The following TUBGCP5 variants were observed in gnomAD, a reference collection of about 807,000 sequenced individuals.
TUBGCP5 encodes gamma-tubulin complex component 5.
In TUBGCP5, 98 loss-of-function variants were observed where a neutral mutation model predicts 134.7. The ratio of observed to expected loss-of-function variants is 0.73; its 90% confidence interval spans 0.62 to 0.86. TUBGCP5 has a LOEUF of 0.86. Ranked by LOEUF, TUBGCP5 falls within the 40% of genes least tolerant of loss-of-function variation. The pLI, the probability that TUBGCP5 is intolerant of heterozygous loss-of-function variation, is 0.00. For synonymous variants in TUBGCP5, 456 were observed against 431.4 expected, an observed-to-expected ratio of 1.06 and a Z score of -0.71; for missense variants, 1,150 against 1,244.8, an observed-to-expected ratio of 0.92 and a Z score of 1.15.
chr15:22,991,598 A>T (rs773733375), intron 23 of TUBGCP5, among the ~76,000 whole-genome samples: 1 of 152,174 alleles, frequency 6.6e-6, no homozygotes, highest in Non-Finnish European at 1.5e-5. Context: ...CTGACAGCTT[A>T]CACTGTTAAC....
At chr15:22,996,940 A>G (rs972717041), downstream of TUBGCP5, 3 of 152,006 alleles carry the variant, frequency 2.0e-5, no homozygotes, top group Non-Finnish European at 4.4e-5. Flanking sequence ...GCGCTCCAGC[A>G]TGGGCAACAA....
chr15:22,995,267 AAAATAAAAGAAT>A (rs1279929724), downstream of TUBGCP5, among the ~76,000 whole-genome samples: 3 of 151,876 alleles, frequency 2.0e-5, no homozygotes, highest in South Asian at 2.1e-4. Context: ...AATAAAAATA[AAAATAAAAGAAT>A]AAATAAAAGA....
chr15:23,025,668 TAA>T (rs779973603), intron 8 of TUBGCP5, among the ~76,000 whole-genome samples: 1 of 151,944 alleles, frequency 6.6e-6, no homozygotes, highest in Non-Finnish European at 1.5e-5. Flanking sequence ...CCGTCTCTAC[TAA>T]AAAAGTAAAA....
chr15:22,989,403 G>C (rs945032825), intron 23 of TUBGCP5, among the ~76,000 whole-genome samples: 1 of 152,158 alleles, frequency 6.6e-6, no homozygotes, highest in Non-Finnish European at 1.5e-5. Flanking sequence ...GCAACACGAG[G>C]TGTGTGTTTG....
At chr15:23,018,586 T>G (rs2065478766) in intron 12 of TUBGCP5, among the ~76,000 whole-genome samples, 2 of 152,182 alleles carry the variant, frequency 1.3e-5, no homozygotes, top group African/African-American at 4.8e-5. Context: ...TCCAGAACAC[T>G]AAAGACTTAA....
chr15:22,998,208 G>T (rs1463913959), downstream of TUBGCP5, among the ~76,000 whole-genome samples: 1 of 151,934 alleles, frequency 6.6e-6, no homozygotes, highest in Admixed American at 6.6e-5. Flanking sequence ...CCAGCTACTC[G>T]GGAGGCTGAG....
chr15:23,024,028 C>G lies in TUBGCP5; in HGVS notation c.1087G>C (p.Ala363Pro). The G allele has an allele frequency of 6.2e-7, 1 of 1,614,110 alleles. No individual in the cohort carries two copies. Among genetic ancestry groups the G allele is most frequent in the Non-Finnish European group, 8.5e-7 (1 of 1,180,000 alleles). The change falls in exon 10 of 23, where the codon GCT (alanine) becomes CCT (proline). Residue 363 changes from alanine to proline, a missense_variant. Physicochemically the swap from Ala to Pro is conservative, Grantham distance 27. Around this residue, in one of 2 missense-constraint regions of TUBGCP5, gnomAD observed 697 missense variants for 850.1 expected, o/e 0.82. Coordinates refer to ENST00000615383, the MANE Select transcript of TUBGCP5 (RefSeq NM_052903.6). ...TATTTGTACAGGGCCCACATGAAAG[C>G]CTGGTAGGTTCTAAAGGGAGCTTCA... is the stretch of plus-strand genomic sequence containing the variant. Reference protein sequence around the residue: ...STEAPFRTYQAFMWALYKYFI... With the variant: ...STEAPFRTYQPFMWALYKYFI...
intron 14 of TUBGCP5, among the ~76,000 whole-genome samples, chr15:23,010,869 G>C (rs1595849277): frequency 1.3e-5 from 2 of 151,964 alleles, no homozygotes; most frequent in East Asian, 1.9e-4. Flanking sequence ...GTCCCAGGTA[G>C]CTGGGAGGCT....
At chr15:22,997,713 G>T (rs950416555), downstream of TUBGCP5, among the ~76,000 whole-genome samples, 4 of 151,222 alleles carry the variant, frequency 2.6e-5, no homozygotes, top group African/African-American at 9.7e-5. Context: ...GGCCACCCAG[G>T]TTCAAGCAAT....
intron 3 of TUBGCP5, among the ~76,000 whole-genome samples, chr15:23,034,586 G>A (rs537662271): frequency 2.0e-4 from 30 of 152,242 alleles, no homozygotes; most frequent in African/African-American, 6.5e-4. Flanking sequence ...AGAGCAGGCC[G>A]GGGTGGCTCA....
chr15:22,998,207 C>T (rs906034945), downstream of TUBGCP5, among the ~76,000 whole-genome samples: 1 of 151,912 alleles, frequency 6.6e-6, no homozygotes, highest in African/African-American at 2.4e-5. Context: ...CCCAGCTACT[C>T]GGGAGGCTGA....
rs71414253 is a variant in TUBGCP5 at position 22,991,103 on chromosome 15, CTT to C, written c.*61+5740_*61+5741del. Among the ~76,000 whole-genome samples the C allele has an allele frequency of 1.0e-3, 149 of 148,776 alleles. 1 individual carries two copies. The highest frequency in any genetic ancestry group is 3.0e-3 in the African/African-American group (120 of 40,482). ...ATAAGGACTTCCTTATAATAAATTACTTTTTTTTTTTTTGAGACGGAGTCTCG... is the reference window on the plus strand; with the variant it reads ...ATAAGGACTTCCTTATAATAAATTACTTTTTTTTTTTGAGACGGAGTCTCG... On this transcript the variant is annotated intron_variant and NMD_transcript_variant, in intron 23 of 23. Transcript: ENST00000614508.
rs1391040076 is a variant in TUBGCP5 at position 23,013,280 on chromosome 15, G to A, written c.1757-1949C>T. Among the ~76,000 whole-genome samples the A allele has an allele frequency of 2.0e-5, 3 of 151,660 alleles. No individual in the cohort carries two copies. Among genetic ancestry groups the A allele is most frequent in the East Asian group, 1.9e-4 (1 of 5,134 alleles). ...ATACTGGCTAGTATGGTAAAACCCC[G>A]TCTCTACTAAAAATACAAAAAAATT... On this transcript the variant is annotated intron_variant, in intron 13 of 22. Transcript: ENST00000615383. This position sits in a 1 kb window ranked among gnomAD's most constrained non-coding sequence, Gnocchi z 4.5.
rs1424499167 is a variant in TUBGCP5 at position 23,036,607 on chromosome 15, C to T, written c.309+290G>A. ...CAGTCACTGCCAAGTGCTGAGAAAC[C>T]ATTTGAAAGTTTTGAGATACCCAAA... On this transcript the variant is annotated intron_variant, in intron 3 of 22. Transcript: ENST00000615383. 4.6e-5 allele frequency among the ~76,000 whole-genome samples: 7 copies of T among 152,126 alleles called. 1 individual carries two copies. The highest frequency in any genetic ancestry group is 4.6e-4 in the Admixed American group (7 of 15,264).
downstream of TUBGCP5, among the ~76,000 whole-genome samples, chr15:22,998,113 G>A (rs1047828541): frequency 4.0e-5 from 6 of 151,840 alleles, no homozygotes; most frequent in African/African-American, 9.7e-5. Context: ...CCAGGAGTTC[G>A]ACACCAGTCT....
chr15:22,986,049 G>A (rs1439240793), intron 23 of TUBGCP5, among the ~76,000 whole-genome samples: 1 of 149,780 alleles, frequency 6.7e-6, no homozygotes, highest in Non-Finnish European at 1.5e-5. Context: ...CAGGAGAATG[G>A]TGTGAACCCG....
At chr15:23,001,940 T>C (rs1263259956) in intron 21 of TUBGCP5, among the ~76,000 whole-genome samples, 1 of 152,184 alleles carries the variant, frequency 6.6e-6, no homozygotes, top group African/African-American at 2.4e-5. Context: ...TTCACATTGC[T>C]TCTACAATTT....
chr15:23,005,289 G>T, intron 19 of TUBGCP5, 143 bp downstream of exon 19: 1 of 938,740 alleles, frequency 1.1e-6, no homozygotes, highest in Non-Finnish European at 1.6e-6. Context: ...CCACTGCCAT[G>T]TTATTTTATG....
At chr15:23,030,456 T>C (rs2066240190) in intron 6 of TUBGCP5, among the ~76,000 whole-genome samples, 1 of 152,154 alleles carries the variant, frequency 6.6e-6, no homozygotes. Context: ...GTCCCTGATA[T>C]AAAATGGCAT....
Sources: allele counts gnomAD v4.1 joint callset (sites outside exome capture counted in the v4.1 genomes callset), GRCh38; gene constraint gnomAD v4.1.1; regional missense constraint gnomAD v4.1.1; non-coding constraint Gnocchi (gnomAD v3.1); transcripts MANE v1.5; gene names NCBI Gene and HGNC (gene_info 2026-07-23, HGNC 2026-07-21).